TRPC7: variants seen among roughly 807,000 people sequenced by gnomAD.
The protein encoded by TRPC7 is short transient receptor potential channel 7.
In TRPC7, 42 loss-of-function variants were observed where a neutral mutation model predicts 90.1. That is an observed-to-expected ratio of 0.47 (90% CI 0.36 to 0.60). The LOEUF (loss-of-function observed/expected upper bound fraction) is 0.60, where lower values mean the gene tolerates loss of function less well. Among genes scored for constraint, TRPC7 ranks in the 20% least tolerant of loss-of-function variants. TRPC7 has a pLI of 0.00. For synonymous variants in TRPC7, 451 were observed against 436.3 expected, an observed-to-expected ratio of 1.03 and a Z score of -0.42; for missense variants, 955 against 1,112.3, an observed-to-expected ratio of 0.86 and a Z score of 2.01.
chr5:136,280,300 G>A (rs1757507634), intron 3 of TRPC7, among the ~76,000 whole-genome samples: 1 of 152,200 alleles, frequency 6.6e-6, no homozygotes, highest in Non-Finnish European at 1.5e-5. Flanking sequence ...ATGTGTCATA[G>A]GTCAAGTTGT....
At chr5:136,227,964 C>T (rs1479823707) in intron 8 of TRPC7, among the ~76,000 whole-genome samples, 1 of 152,228 alleles carries the variant, frequency 6.6e-6, no homozygotes, top group Non-Finnish European at 1.5e-5. Context: ...AGTCAACCTT[C>T]AGTCACTTAG....
intron 2 of TRPC7, among the ~76,000 whole-genome samples, chr5:136,343,308 T>C (rs4976490): frequency 0.49 from 73,831 of 152,034 alleles, 18,535 homozygotes; most frequent in Middle Eastern, 0.6. Context: ...AAAATGCTAC[T>C]CCAAGGCACT....
At position 136,247,357 on chromosome 5, in the gene TRPC7, C is replaced by T. The variant is rs1756373721; in HGVS notation, c.1844+114G>A. ...CACCCTTGAATAAAGTTGCCTTTAACCTTGAGAGATAGCAAGGAAACAGCA... is the reference window on the plus strand; with the variant it reads ...CACCCTTGAATAAAGTTGCCTTTAATCTTGAGAGATAGCAAGGAAACAGCA... On this transcript the variant is annotated intron_variant, in intron 7 of 11. Transcript: ENST00000513104. This position sits in a 1 kb window ranked among gnomAD's most constrained non-coding sequence, Gnocchi z 4.2. The T allele has an allele frequency of 1.6e-6, 2 of 1,222,794 alleles. No homozygotes were observed. Among genetic ancestry groups the T allele is most frequent in the Non-Finnish European group, 2.2e-6 (2 of 891,280 alleles). 75.7% of individuals were successfully genotyped at this position (1,222,794 alleles called of 1,614,324 possible). A position where few individuals can be genotyped will look rare whatever the true frequency, so the allele number is the denominator to read the frequency against.
At chr5:136,314,859 A>G (rs978655189) in intron 3 of TRPC7, among the ~76,000 whole-genome samples, 1 of 152,204 alleles carries the variant, frequency 6.6e-6, no homozygotes, top group African/African-American at 2.4e-5. Context: ...GAATGCTTTA[A>G]TTTTCATCAG....
At chr5:136,269,282 A>G (rs1757128449) in intron 4 of TRPC7, among the ~76,000 whole-genome samples, 3 of 152,348 alleles carry the variant, frequency 2.0e-5, no homozygotes, top group Middle Eastern at 3.4e-3. Context: ...CTTCCTGGCC[A>G]CTATTCTTTG....
rs930306511 is a variant in TRPC7 at position 136,305,319 on chromosome 5, C to G, written c.963+10278G>C. Among the ~76,000 whole-genome samples, 515 of 152,290 alleles carry G rather than the reference C, an allele frequency of 3.4e-3. 1 individual carries two copies. The highest frequency in any genetic ancestry group is 0.011 in the African/African-American group (475 of 41,548). ...ATGGCAGTTCCACCAGGCCTAATCGCCACACACCAGCAAAGGCAGGCTATG... is the reference window on the plus strand; with the variant it reads ...ATGGCAGTTCCACCAGGCCTAATCGGCACACACCAGCAAAGGCAGGCTATG... On this transcript the variant is annotated intron_variant, in intron 3 of 11. Coordinates refer to ENST00000513104, the MANE Select transcript of TRPC7 (RefSeq NM_020389.3).
chr5:136,232,027 A>C (rs1755832815), intron 7 of TRPC7, among the ~76,000 whole-genome samples: 3 of 152,234 alleles, frequency 2.0e-5, no homozygotes, highest in Admixed American at 2.0e-4. Context: ...TGTGATATTC[A>C]GATTTCTAAG....
At chr5:136,337,183 A>G (rs182649004) in intron 2 of TRPC7, among the ~76,000 whole-genome samples, 275 of 152,314 alleles carry the variant, frequency 1.8e-3, no homozygotes, top group Non-Finnish European at 1.9e-3. Flanking sequence ...ACCATGAGAA[A>G]ACTCCTCAAA....
At chr5:136,255,557 T>C (rs915396261) in intron 5 of TRPC7, among the ~76,000 whole-genome samples, 10 of 152,250 alleles carry the variant, frequency 6.6e-5, no homozygotes, top group Admixed American at 3.3e-4. Context: ...GCAACTTTTC[T>C]CTGCACTGGG....
At chr5:136,332,372 G>A (rs1359879529) in intron 2 of TRPC7, among the ~76,000 whole-genome samples, 1 of 152,144 alleles carries the variant, frequency 6.6e-6, no homozygotes, top group Non-Finnish European at 1.5e-5. Flanking sequence ...GACGACTGCA[G>A]CTTTTCCTAT....
chr5:136,310,400 C>T (rs564244551), intron 3 of TRPC7, among the ~76,000 whole-genome samples: 1 of 152,108 alleles, frequency 6.6e-6, no homozygotes, highest in Non-Finnish European at 1.5e-5. Flanking sequence ...CGAGTGGGTC[C>T]TCTCCACCCT....
At chr5:136,236,278 C>A (rs1224303353) in intron 7 of TRPC7, among the ~76,000 whole-genome samples, 2 of 152,176 alleles carry the variant, frequency 1.3e-5, no homozygotes, top group Admixed American at 6.5e-5. Flanking sequence ...CCCTTCCCAG[C>A]ATACGTACAG....
chr5:136,304,379 A>G (rs1327127018), intron 3 of TRPC7, among the ~76,000 whole-genome samples: 1 of 118,642 alleles, frequency 8.4e-6, no homozygotes. Context: ...TAAAGCCTAT[A>G]AACTCTCCTT....
chr5:136,276,074 T>C (rs922265212), intron 3 of TRPC7, among the ~76,000 whole-genome samples: 4 of 152,190 alleles, frequency 2.6e-5, no homozygotes, highest in African/African-American at 4.8e-5. Context: ...TTTCTGCAAA[T>C]AGTAGTTGCT....
chr5:136,339,925 A>G (rs1371276566), intron 2 of TRPC7, among the ~76,000 whole-genome samples: 4 of 152,096 alleles, frequency 2.6e-5, no homozygotes, highest in Admixed American at 2.6e-4. Flanking sequence ...AGGAATTAAA[A>G]ATAAAGCCAT....
At chr5:136,319,165 T>C (rs1759115349) in intron 2 of TRPC7, among the ~76,000 whole-genome samples, 3 of 152,190 alleles carry the variant, frequency 2.0e-5, no homozygotes, top group Admixed American at 2.0e-4. Flanking sequence ...TAATATCTCC[T>C]TCTCCTCCTC....
intron 1 of TRPC7, among the ~76,000 whole-genome samples, chr5:136,358,891 G>A (rs530504744): frequency 6.6e-6 from 1 of 152,300 alleles, no homozygotes; most frequent in East Asian, 1.9e-4. Flanking sequence ...TATCAAGAGT[G>A]TATCCGTTTT....
At chr5:136,241,270 A>G (rs1028552470) in intron 7 of TRPC7, among the ~76,000 whole-genome samples, 1 of 152,256 alleles carries the variant, frequency 6.6e-6, no homozygotes, top group Middle Eastern at 3.2e-3. Flanking sequence ...TTTGATTAGA[A>G]AACTCTCAAC....
chr5:136,306,564 G>A (rs1366444721), intron 3 of TRPC7, among the ~76,000 whole-genome samples: 1 of 152,158 alleles, frequency 6.6e-6, no homozygotes, highest in Non-Finnish European at 1.5e-5. Context: ...AAGCAGGAAT[G>A]TCAGGCCTCT....
Sources: allele counts gnomAD v4.1 joint callset (sites outside exome capture counted in the v4.1 genomes callset), GRCh38; gene constraint gnomAD v4.1.1; non-coding constraint Gnocchi (gnomAD v3.1); transcripts MANE v1.5; gene names NCBI Gene and HGNC (gene_info 2026-07-23, HGNC 2026-07-21).